The following ANO6 variants were observed in gnomAD, a reference collection of about 807,000 sequenced individuals.
The protein encoded by ANO6 is anoctamin 6.
In ANO6, 106 loss-of-function variants were observed where a neutral mutation model predicts 117.5. That is an observed-to-expected ratio of 0.90 (90% CI 0.77 to 1.06). The LOEUF is 1.06. Among genes scored for constraint, ANO6 ranks in the 50% least tolerant of loss-of-function variants. The probability of loss-of-function intolerance (pLI) is 0.00; values close to 1 mark genes in which losing one functional copy is unlikely to be tolerated. For synonymous variants in ANO6, 367 were observed against 385.1 expected, an observed-to-expected ratio of 0.95 and a Z score of 0.55; for missense variants, 955 against 1,121.1, an observed-to-expected ratio of 0.85 and a Z score of 2.12.
chr12:45,409,643 C>T (rs1943035258), intron 16 of ANO6, among the ~76,000 whole-genome samples, 156 bp downstream of exon 16: 1 of 152,150 alleles, frequency 6.6e-6, no homozygotes, highest in South Asian at 2.1e-4. Context: ...ATCCAGCTTT[C>T]AGATAAGGTG....
intron 2 of ANO6, among the ~76,000 whole-genome samples, chr12:45,309,126 G>A (rs1350709937): frequency 6.6e-6 from 1 of 152,080 alleles, no homozygotes; most frequent in Non-Finnish European, 1.5e-5. Context: ...AAGGGCTGGG[G>A]TGGGACTATG....
At chr12:45,327,946 A>G (rs982173823) in intron 2 of ANO6, among the ~76,000 whole-genome samples, 1 of 152,128 alleles carries the variant, frequency 6.6e-6, no homozygotes, top group Non-Finnish European at 1.5e-5. Context: ...AGAAGCTGAT[A>G]GTGTGGTTTA....
At chr12:45,335,480 A>G (rs1940798420) in intron 3 of ANO6, 1 of 151,982 alleles carries the variant, frequency 6.6e-6, no homozygotes, top group African/African-American at 2.4e-5. Flanking sequence ...ATTGAGATCT[A>G]CTATCCTTTA....
chr12:45,383,215 C>G (rs1476815642), intron 10 of ANO6: 1 of 199,934 alleles, frequency 5.0e-6, no homozygotes, highest in African/African-American at 2.3e-5. Context: ...AGCAACTTCT[C>G]ATTCCTTCAA....
intron 4 of ANO6, chr12:45,347,323 A>G: frequency 2.2e-6 from 1 of 458,504 alleles, no homozygotes; most frequent in South Asian, 5.7e-5. Context: ...TGTATGAATG[A>G]TTATTTTCTT....
chr12:45,259,758 A>G (rs987601646), intron 1 of ANO6, among the ~76,000 whole-genome samples: 2 of 152,280 alleles, frequency 1.3e-5, no homozygotes, highest in Non-Finnish European at 2.9e-5. Context: ...TGGAGAGAGA[A>G]TGGAAACACC....
chr12:45,270,398 C>T, intron 1 of ANO6: 1 of 1,476,640 alleles, frequency 6.8e-7, no homozygotes, highest in Non-Finnish European at 8.9e-7. Flanking sequence ...CCTGCTCTGT[C>T]TGCAGCCTAA....
intron 1 of ANO6, among the ~76,000 whole-genome samples, chr12:45,267,001 T>G (rs1415162467): frequency 2.0e-5 from 3 of 152,274 alleles, no homozygotes; most frequent in East Asian, 3.9e-4. Context: ...AGCATCACGG[T>G]GGACATAGTG....
At chr12:45,275,980 C>T (rs1429365952) in intron 1 of ANO6, among the ~76,000 whole-genome samples, 1 of 152,152 alleles carries the variant, frequency 6.6e-6, no homozygotes, top group Non-Finnish European at 1.5e-5. Flanking sequence ...GCCGTACCCT[C>T]CTCCCTCCTT....
At chr12:45,344,422 G>C (rs1941069700) in intron 3 of ANO6, among the ~76,000 whole-genome samples, 1 of 152,190 alleles carries the variant, frequency 6.6e-6, no homozygotes, top group South Asian at 2.1e-4. Context: ...TCTGCAGGCT[G>C]TACAGGAGGC....
chr12:45,228,105 T>G, intron 1 of ANO6: 5 of 409,710 alleles, frequency 1.2e-5, no homozygotes, highest in South Asian at 8.9e-5. Context: ...TATCCTATTC[T>G]CCTAGGCTTT....
intron 1 of ANO6, chr12:45,228,296 T>C (rs1235956072): frequency 3.5e-6 from 1 of 285,822 alleles, no homozygotes; most frequent in African/African-American, 2.8e-5. Context: ...CCCTCCTTTT[T>C]TTTTTTTTTT....
intron 1 of ANO6, among the ~76,000 whole-genome samples, chr12:45,263,460 C>T (rs1279291351): frequency 6.8e-6 from 1 of 147,780 alleles, no homozygotes; most frequent in Non-Finnish European, 1.5e-5. Context: ...ATTCTTCTCA[C>T]CTTGGCCTTC....
intron 12 of ANO6, among the ~76,000 whole-genome samples, chr12:45,391,605 C>A (rs574654871): frequency 1.9e-4 from 29 of 152,214 alleles, no homozygotes; most frequent in Admixed American, 3.3e-4. Context: ...TGGTGGCTCA[C>A]GCCTGTAATC....
intron 1 of ANO6, among the ~76,000 whole-genome samples, chr12:45,272,785 C>A (rs913073611): frequency 6.6e-6 from 1 of 152,164 alleles, no homozygotes; most frequent in Non-Finnish European, 1.5e-5. Context: ...ACCACATGAT[C>A]CTGCAGTCCC....
At chr12:45,348,352 A>T in intron 5 of ANO6, 37 bp downstream of exon 5, 1 of 1,613,430 alleles carries the variant, frequency 6.2e-7, no homozygotes, top group Non-Finnish European at 8.5e-7. Flanking sequence ...GTCTTGGGGT[A>T]ATTTGGAACC....
intron 1 of ANO6, among the ~76,000 whole-genome samples, chr12:45,257,662 C>T (rs1479678199): frequency 6.6e-6 from 1 of 152,186 alleles, no homozygotes; most frequent in African/African-American, 2.4e-5. Flanking sequence ...TGCCTTGGTT[C>T]TAGGCTCTTG....
intron 1 of ANO6, among the ~76,000 whole-genome samples, chr12:45,225,635 CCCA>C (rs1186253073): frequency 7.9e-5 from 12 of 152,000 alleles, no homozygotes; most frequent in Admixed American, 7.2e-4. Context: ...ACTACAGGCA[CCCA>C]CCACCACGCC....
chr12:45,261,518 A>G (rs1224975160), intron 1 of ANO6, among the ~76,000 whole-genome samples: 1 of 152,254 alleles, frequency 6.6e-6, no homozygotes, highest in African/African-American at 2.4e-5. Flanking sequence ...TTTGTGGGAC[A>G]ACTGAGGCCA....
Sources: allele counts gnomAD v4.1 joint callset (sites outside exome capture counted in the v4.1 genomes callset), GRCh38; gene constraint gnomAD v4.1.1; transcripts MANE v1.5; gene names NCBI Gene and HGNC (gene_info 2026-07-23, HGNC 2026-07-21).